The following CSNK2A2IP variants were observed in gnomAD, a reference collection of about 807,000 sequenced individuals.
CSNK2A2IP encodes casein kinase II subunit alpha'-interacting protein.
the CSNK2A2IP span, among the ~76,000 whole-genome samples, chr3:88,433,758 CAG>C: frequency 6.6e-6 from 1 of 152,160 alleles, no homozygotes; most frequent in Admixed American, 6.6e-5. Flanking sequence ...TTGCTAAAAA[CAG>C]AGCAGACACA....
the CSNK2A2IP span, among the ~76,000 whole-genome samples, chr3:88,344,158 C>G: frequency 2.0e-5 from 3 of 151,918 alleles, no homozygotes. Context: ...TTGAAATTAA[C>G]AGAGTAGCAA....
At chr3:88,458,072 T>C in the CSNK2A2IP span, among the ~76,000 whole-genome samples, 3 of 152,018 alleles carry the variant, frequency 2.0e-5, no homozygotes, top group Admixed American at 6.5e-5. Flanking sequence ...TGGTTATCCT[T>C]TTTAATATCA....
the CSNK2A2IP span, among the ~76,000 whole-genome samples, chr3:88,410,261 C>A: frequency 6.6e-6 from 1 of 152,030 alleles, no homozygotes; most frequent in Non-Finnish European, 1.5e-5. Context: ...GAAGATGACC[C>A]ACCTCCACAT....
the CSNK2A2IP span, among the ~76,000 whole-genome samples, chr3:88,353,938 TG>T: frequency 6.6e-6 from 1 of 152,296 alleles, no homozygotes; most frequent in Non-Finnish European, 1.5e-5. Context: ...GGGAGGTGTT[TG>T]GGTCATGTGG....
chr3:88,393,946 C>A, the CSNK2A2IP span, among the ~76,000 whole-genome samples: 1 of 152,100 alleles, frequency 6.6e-6, no homozygotes, highest in East Asian at 1.9e-4. Flanking sequence ...GGGTAATGGT[C>A]TGAAAGCAGC....
At chr3:88,356,732 C>T in the CSNK2A2IP span, among the ~76,000 whole-genome samples, 1 of 151,824 alleles carries the variant, frequency 6.6e-6, no homozygotes, top group African/African-American at 2.4e-5. Context: ...GAGTGTTCCC[C>T]TTTTTTTTCC....
At chr3:88,417,148 C>A in the CSNK2A2IP span, among the ~76,000 whole-genome samples, 1 of 151,458 alleles carries the variant, frequency 6.6e-6, no homozygotes, top group Non-Finnish European at 1.5e-5. Context: ...TTATATACTG[C>A]GTTGATAGAC....
At chr3:88,422,090 T>C in the CSNK2A2IP span, among the ~76,000 whole-genome samples, 567 of 152,362 alleles carry the variant, frequency 3.7e-3, 1 homozygote, top group Non-Finnish European at 5.6e-3. Flanking sequence ...TTCTGATCTA[T>C]GTTCCTTTTA....
chr3:88,442,210 A>AT, the CSNK2A2IP span, among the ~76,000 whole-genome samples: 1 of 152,004 alleles, frequency 6.6e-6, no homozygotes, highest in South Asian at 2.1e-4. Context: ...TTTTTTTAAA[A>AT]TTTTTTCTTT....
chr3:88,465,631 T>C, the CSNK2A2IP span: 13 of 1,231,556 alleles, frequency 1.1e-5, no homozygotes, highest in Non-Finnish European at 1.3e-5. Context: ...GAATTCACCA[T>C]TGTTCCATGC....
chr3:88,371,163 A>C, the CSNK2A2IP span, among the ~76,000 whole-genome samples: 2 of 151,902 alleles, frequency 1.3e-5, no homozygotes, highest in African/African-American at 4.8e-5. Context: ...AATATGAAAT[A>C]AAATGGAAAG....
chr3:88,449,872 T>TAGAGAG, the CSNK2A2IP span, among the ~76,000 whole-genome samples: 641 of 78,958 alleles, frequency 8.1e-3, 9 homozygotes, highest in South Asian at 0.029. Flanking sequence ...TATATATATA[T>TAGAGAG]ATAGAGAGAG....
At chr3:88,456,476 C>A in the CSNK2A2IP span, among the ~76,000 whole-genome samples, 4 of 151,560 alleles carry the variant, frequency 2.6e-5, no homozygotes, top group African/African-American at 9.7e-5. Flanking sequence ...TATTGTTTTT[C>A]TTTATTTCTT....
chr3:88,372,485 G>T, the CSNK2A2IP span, among the ~76,000 whole-genome samples: 1 of 151,154 alleles, frequency 6.6e-6, no homozygotes, highest in Admixed American at 6.6e-5. Flanking sequence ...AAAACGTAAA[G>T]AAATTTAGCT....
the CSNK2A2IP span, among the ~76,000 whole-genome samples, chr3:88,344,336 C>T: frequency 6.6e-6 from 1 of 151,850 alleles, no homozygotes; most frequent in African/African-American, 2.4e-5. Flanking sequence ...AGGCATGTGT[C>T]TTTTATTTCC....
At chr3:88,339,002 G>A in the CSNK2A2IP span, among the ~76,000 whole-genome samples, 1 of 151,942 alleles carries the variant, frequency 6.6e-6, no homozygotes, top group Non-Finnish European at 1.5e-5. Flanking sequence ...AATGTGTAAT[G>A]TTCAAACCAG....
chr3:88,431,776 G>A, the CSNK2A2IP span, among the ~76,000 whole-genome samples: 1 of 152,002 alleles, frequency 6.6e-6, no homozygotes, highest in East Asian at 1.9e-4. Flanking sequence ...TTGAACTTCT[G>A]GAAAAGATAA....
the CSNK2A2IP span, among the ~76,000 whole-genome samples, chr3:88,360,355 G>A: frequency 2.6e-5 from 4 of 151,878 alleles, no homozygotes; most frequent in Non-Finnish European, 5.9e-5. Flanking sequence ...GGATGGTCTC[G>A]ATCTCCTGAC....
At chr3:88,459,999 AT>A in the CSNK2A2IP span, among the ~76,000 whole-genome samples, 1 of 152,146 alleles carries the variant, frequency 6.6e-6, no homozygotes, top group South Asian at 2.1e-4. Context: ...TATTTTTATC[AT>A]GTTTTAATGT....
Sources: gnomAD v4.1 joint callset for allele counts (sites outside exome capture counted in the v4.1 genomes callset) on GRCh38, gnomAD v4.1.1 for gene constraint, MANE v1.5 for transcripts, NCBI Gene and HGNC (gene_info 2026-07-23, HGNC 2026-07-21) for gene names.